Variants in MTOR observed in about 807,000 individuals in gnomAD.
MTOR encodes the protein mechanistic target of rapamycin kinase.
A neutral mutation model predicts 319.8 loss-of-function variants in MTOR; 70 were observed. That is an observed-to-expected ratio of 0.22 (90% CI 0.18 to 0.27). The LOEUF (loss-of-function observed/expected upper bound fraction) is 0.27. MTOR is among the 10% of genes least tolerant of loss of function. The pLI is 1.00. For missense variants in MTOR, 1,890 were observed against 3,274.4 expected (o/e 0.58, Z 10.32); for synonymous variants, 1,183 against 1,211.4 (o/e 0.98, Z 0.49).
intron 8 of MTOR, among the ~76,000 whole-genome samples, chr1:11,245,546 G>C (rs1358437306): frequency 6.6e-6 from 1 of 152,142 alleles, no homozygotes; most frequent in Non-Finnish European, 1.5e-5. Flanking sequence ...AAATTAGAGT[G>C]GGTCAACAAG....
At chr1:11,246,735 C>A (rs1481188946) in intron 8 of MTOR, among the ~76,000 whole-genome samples, 1 of 152,122 alleles carries the variant, frequency 6.6e-6, no homozygotes, top group African/African-American at 2.4e-5. Flanking sequence ...ATGAGCACCA[C>A]GGTAAAGTGG....
chr1:11,117,015 G>A lies in MTOR; in HGVS notation c.7005C>T (p.Gly2335=). 1 of 1,610,576 alleles carries A rather than the reference G, an allele frequency of 6.2e-7. No individual in the cohort carries two copies. Among genetic ancestry groups the A allele is most frequent in the South Asian group, 1.1e-5 (1 of 90,072 alleles). ...ATTAAATTACTCACCTATCTCCCAG[G>A]CCTAAAATATACCCAACCATTGACA... is the stretch of plus-strand genomic sequence containing the variant. The part of the protein sequence containing the change: ...AVMSMVGYIL[G]LGDRHPSNLM... The change falls in exon 50 of 58, where the codon GGC becomes GGT. Residue 2335 remains glycine, a synonymous_variant. Transcript: ENST00000361445.
At position 11,236,257 on chromosome 1, in the gene MTOR, C is replaced by T. The variant is rs561136454; in HGVS notation, c.2208+1586G>A. Reference sequence around the variant, plus strand: ...GCTCAAGTGATCCTCCCACCTCAGCCTCCTGAGTAGCTAGGACTACAGGTA... The same window carrying T: ...GCTCAAGTGATCCTCCCACCTCAGCTTCCTGAGTAGCTAGGACTACAGGTA... On this transcript the variant is annotated intron_variant, in intron 13 of 57. Transcript: ENST00000361445. Among the ~76,000 whole-genome samples the T allele has an allele frequency of 4.0e-5, 6 of 151,728 alleles. No individual in the cohort carries two copies. In the East Asian group the frequency reaches 1.2e-3, roughly 30 times the overall value.
At chr1:11,246,945 A>T (rs935626129) in intron 8 of MTOR, among the ~76,000 whole-genome samples, 1 of 152,222 alleles carries the variant, frequency 6.6e-6, no homozygotes. Flanking sequence ...ACTATAGTAG[A>T]TGCTGAGACA....
At chr1:11,136,740 C>CA (rs1557763055) in intron 36 of MTOR, among the ~76,000 whole-genome samples, 1 of 150,906 alleles carries the variant, frequency 6.6e-6, no homozygotes, top group Admixed American at 6.6e-5. Flanking sequence ...TGGGCTCAAG[C>CA]AATCCTCCCA....
At chr1:11,250,266 A>G (rs182382285) in intron 6 of MTOR, among the ~76,000 whole-genome samples, 1,047 of 81,554 alleles carry the variant, frequency 0.013, 8 homozygotes, top group South Asian at 0.043. Flanking sequence ...CTGGCCGGGC[A>G]GGGGGCTGAC....
chr1:11,148,520 A>G (rs1644017235), intron 31 of MTOR, among the ~76,000 whole-genome samples: 1 of 152,204 alleles, frequency 6.6e-6, no homozygotes, highest in Admixed American at 6.5e-5. Flanking sequence ...TTATTTATTG[A>G]GAAGGCCAAT....
chr1:11,152,367 A>C (rs1441932506), intron 30 of MTOR: 5 of 152,232 alleles, frequency 3.3e-5, no homozygotes, highest in Non-Finnish European at 5.9e-5. Context: ...CTTTGGCAGC[A>C]CATATACTAA....
intron 19 of MTOR, among the ~76,000 whole-genome samples, chr1:11,224,826 G>A (rs1159638917): frequency 6.6e-6 from 1 of 152,136 alleles, no homozygotes; most frequent in Non-Finnish European, 1.5e-5. Context: ...TCTAACACTG[G>A]AAAATATTTC....
rs1311893701 is a variant in MTOR, at chr1:11,109,225, C to T, written c.7528+65G>A. 4.5e-5 allele frequency: 67 copies of T among 1,475,670 alleles called. 1 individual carries two copies. In the South Asian group the frequency reaches 5.4e-4, roughly 12 times the overall value. The allele number at this position is 1,475,670 out of a possible 1,614,324, so 91.4% of individuals were successfully genotyped here. A position where few individuals can be genotyped will look rare whatever the true frequency, so the allele number is the denominator to read the frequency against. On this transcript the variant is annotated intron_variant, in intron 56 of 57. Transcript: ENST00000361445. This position sits in a 1 kb window ranked among gnomAD's most constrained non-coding sequence, Gnocchi z 4.0. ...ACACCACTGGACATGGGGCTGACCA[C>T]CACTCAGAGAGGAAAGTGTGCTCAG...
chr1:11,141,752 T>C (rs1643716893), intron 34 of MTOR, among the ~76,000 whole-genome samples: 1 of 148,084 alleles, frequency 6.8e-6, no homozygotes, highest in Admixed American at 6.7e-5. Context: ...TTTGGGAGGC[T>C]GAGGTGGGGG....
chr1:11,180,060 T>C (rs1571083894), intron 28 of MTOR, among the ~76,000 whole-genome samples: 1 of 152,224 alleles, frequency 6.6e-6, no homozygotes, highest in East Asian at 1.9e-4. Context: ...CACAAGCGCA[T>C]GCCATCATGC....
chr1:11,121,304 T>C lies in MTOR; in HGVS notation c.6875A>G (p.Asn2292Ser), dbSNP rs374052581. ...QKVEVFEHAV[N>S]NTAGDDLAKL... Reference sequence around the variant, plus strand: ...GGCCAGGTCGTCCCCAGCTGTATTATTGACGGCATGCTCAAACACCTCCAC... The same window carrying C: ...GGCCAGGTCGTCCCCAGCTGTATTACTGACGGCATGCTCAAACACCTCCAC... Residue 2292 changes from asparagine (N) to serine (S), a missense_variant, in exon 49 of 58, where the codon AAT (asparagine) becomes AGT (serine). Asn to Ser is a conservative substitution (Grantham distance 46). Coordinates refer to ENST00000361445, the MANE Select transcript of MTOR (RefSeq NM_004958.4). The surrounding 1 kb of genome is among the most constrained non-coding windows in gnomAD (Gnocchi z 4.9). 1.7e-5 allele frequency: 28 copies of C among 1,614,054 alleles called. No homozygotes were observed. Among genetic ancestry groups the C allele is most frequent in the South Asian group, 2.2e-5 (2 of 91,090 alleles).
At chr1:11,117,887 C>T (rs1301446440) in intron 49 of MTOR, among the ~76,000 whole-genome samples, 5 of 152,036 alleles carry the variant, frequency 3.3e-5, no homozygotes, top group Non-Finnish European at 5.9e-5. Flanking sequence ...TGAGACCAGC[C>T]TGACCAACAT....
At position 11,128,438 on chromosome 1, in the gene MTOR, CAG is replaced by C. The variant is rs935157314; in HGVS notation, c.5910+14_5910+15del. On this transcript the variant is annotated intron_variant, in intron 42 of 57. Coordinates refer to ENST00000361445, the MANE Select transcript of MTOR (RefSeq NM_004958.4). The surrounding 1 kb of genome is among the most constrained non-coding windows in gnomAD (Gnocchi z 5.3). ...ACCAGTGGTTAGATGAGAAACTGCC[CAG>C]AGTCTCCACATACCTGGGGGTGGTA... 1.2e-5 allele frequency: 19 copies of C among 1,612,512 alleles called. No individual in the cohort carries two copies. The African/African-American group carries it at 1.9e-4, about 16-fold the overall frequency.
In MTOR at chr1:11,139,341, T is replaced by A; in HGVS notation, c.5093A>T (p.Tyr1698Phe). The A allele has an allele frequency of 6.2e-7, 1 of 1,612,560 alleles. No individual in the cohort carries two copies. The highest frequency in any genetic ancestry group is 8.5e-7 in the Non-Finnish European group (1 of 1,179,644). The change falls in exon 36 of 58, where the codon TAT becomes TTT. Residue 1698 changes from tyrosine to phenylalanine, a missense_variant. Physicochemically the swap from Tyr to Phe is conservative, Grantham distance 22 (BLOSUM62 3). Around this residue, in one of 15 missense-constraint regions of MTOR, gnomAD observed 276 missense variants for 459.4 expected, o/e 0.60. Coordinates refer to ENST00000361445, the MANE Select transcript of MTOR (RefSeq NM_004958.4). ...CTTCCACATGTTTTTCATGTAGGCA[T>A]AGGTCACCTGAGGGTGAACTGTTGG... Reference protein sequence around the residue: ...PLPTVHPQVTYAYMKNMWKSA... With the variant: ...PLPTVHPQVTFAYMKNMWKSA...
chr1:11,189,926 C>A (rs1417827163), intron 28 of MTOR: 2 of 1,613,058 alleles, frequency 1.2e-6, no homozygotes, highest in South Asian at 2.2e-5. Context: ...CAGCTGCAGG[C>A]AGCACAGACG....
chr1:11,190,086 A>T, intron 28 of MTOR: 1 of 1,090,538 alleles, frequency 9.2e-7, no homozygotes, highest in Non-Finnish European at 1.3e-6. Flanking sequence ...GTAAAGGCTT[A>T]TGCAGTATTT....
chr1:11,174,204 T>C (rs1396257684), intron 28 of MTOR, among the ~76,000 whole-genome samples: 1 of 152,170 alleles, frequency 6.6e-6, no homozygotes, highest in Non-Finnish European at 1.5e-5. Flanking sequence ...AGCTCTGCAA[T>C]GGGAGGGACA....
Sources: allele counts gnomAD v4.1 joint callset (sites outside exome capture counted in the v4.1 genomes callset), GRCh38; gene constraint gnomAD v4.1.1; regional missense constraint gnomAD v4.1.1; non-coding constraint Gnocchi (gnomAD v3.1); transcripts MANE v1.5; gene names NCBI Gene and HGNC (gene_info 2026-07-23, HGNC 2026-07-21).